BLK: variants seen among roughly 807,000 people sequenced by gnomAD.
BLK encodes the protein tyrosine-protein kinase Blk.
A neutral mutation model predicts 61.8 loss-of-function variants in BLK; 64 were observed. That is an observed-to-expected ratio of 1.03 (90% CI 0.85 to 1.27). The LOEUF (loss-of-function observed/expected upper bound fraction) is 1.27. Ranked by LOEUF, BLK falls within the 50% of genes most tolerant of loss-of-function variation. The probability of loss-of-function intolerance (pLI) is 0.00; values close to 1 mark genes in which losing one functional copy is unlikely to be tolerated. For missense variants in BLK, 853 were observed against 660.5 expected (o/e 1.29, Z -3.19); for synonymous variants, 351 against 272.0 (o/e 1.29, Z -2.86).
intron 1 of BLK, among the ~76,000 whole-genome samples, chr8:11,533,234 C>CATTTT (rs2117389047): frequency 6.6e-6 from 1 of 152,306 alleles, no homozygotes; most frequent in South Asian, 2.1e-4. Context: ...AGGCCTGAGA[C>CATTTT]CTTTTCTTTT....
intron 1 of BLK, among the ~76,000 whole-genome samples, chr8:11,518,610 C>T (rs1402055011): frequency 6.6e-6 from 1 of 152,144 alleles, no homozygotes; most frequent in Non-Finnish European, 1.5e-5. Context: ...GCGGTGGCCT[C>T]CCATCTAGTG....
Position 11,554,895 on chromosome 8 carries a change from A to T in BLK, c.619+6A>T. ...CCTGGTGCAGCACTATTCTAGTAAG[A>T]GGGGGCGTGCAATGGGGGCAGGGAC... On this transcript the variant is annotated splice_donor_region_variant and intron_variant, in intron 7 of 12. Transcript: ENST00000259089. The T allele has an allele frequency of 6.2e-7, 1 of 1,612,194 alleles. No individual in the cohort carries two copies.
intron 1 of BLK, among the ~76,000 whole-genome samples, chr8:11,532,832 A>G (rs1279807698): frequency 6.6e-6 from 1 of 152,252 alleles, no homozygotes; most frequent in African/African-American, 2.4e-5. Flanking sequence ...GCTGAATATT[A>G]TCGTGTTTCT....
intron 3 of BLK, among the ~76,000 whole-genome samples, chr8:11,547,472 C>T (rs1340575310): frequency 1.3e-5 from 2 of 152,320 alleles, no homozygotes; most frequent in South Asian, 2.1e-4. Context: ...TCCTGCCTTC[C>T]ATCCAGGGCC....
At chr8:11,555,555 G>C in intron 8 of BLK, 71 bp downstream of exon 8, 2 of 1,604,274 alleles carry the variant, frequency 1.2e-6, no homozygotes, top group Non-Finnish European at 1.7e-6. Flanking sequence ...TCCAGGTTCA[G>C]CATTTTCATA....
chr8:11,555,585 G>T, intron 8 of BLK, 101 bp downstream of exon 8: 1 of 1,548,832 alleles, frequency 6.5e-7, no homozygotes, highest in Non-Finnish European at 8.8e-7. Context: ...CCCTCCCCCA[G>T]AAGTCTTGAG....
chr8:11,561,892 C>T (rs887957814), intron 11 of BLK, among the ~76,000 whole-genome samples: 7 of 151,276 alleles, frequency 4.6e-5, no homozygotes, highest in Non-Finnish European at 8.8e-5. Context: ...AATCTTGGCT[C>T]ACTGCAACCT....
chr8:11,564,528 C>T lies in BLK; in HGVS notation c.*420C>T. 2.1e-6 allele frequency: 1 copy of T among 486,162 alleles called. No individual in the cohort carries two copies. The highest frequency in any genetic ancestry group is 4.0e-6 in the Non-Finnish European group (1 of 247,216). 30.1% of individuals were successfully genotyped at this position (486,162 alleles called of 1,614,324 possible). On this transcript the variant is annotated 3_prime_UTR_variant, in exon 13 of 13. Transcript: ENST00000259089. ...CCAGACTGGGTCCCGCGGACGCCAG[C>T]AGGGGCAGCCCCAGCCTAGGCTGCG...
At chr8:11,505,294 C>T (rs1185039143) in intron 1 of BLK, among the ~76,000 whole-genome samples, 2 of 152,188 alleles carry the variant, frequency 1.3e-5, no homozygotes, top group Non-Finnish European at 1.5e-5. Context: ...ATTCTTTCTA[C>T]TGTACAAAGT....
intron 3 of BLK, 65 bp downstream of exon 3, chr8:11,546,168 AG>A: frequency 6.3e-7 from 1 of 1,583,102 alleles, no homozygotes; most frequent in Non-Finnish European, 8.7e-7. Context: ...AGCTTTGTGG[AG>A]TTGGAAAAAG....
chr8:11,504,367 G>GAAAAGA (rs1554540058), intron 1 of BLK, among the ~76,000 whole-genome samples: 24 of 39,378 alleles, frequency 6.1e-4, no homozygotes, highest in African/African-American at 1.6e-3. Flanking sequence ...AAGGAAGGAA[G>GAAAAGA]AAAGAAAAGA....
intron 1 of BLK, among the ~76,000 whole-genome samples, chr8:11,524,957 A>G (rs908800234): frequency 6.6e-6 from 1 of 151,268 alleles, no homozygotes; most frequent in Non-Finnish European, 1.5e-5. Context: ...CATATCACGA[A>G]TGTTCAGAGT....
chr8:11,517,872 T>G (rs1356086721), intron 1 of BLK, among the ~76,000 whole-genome samples: 2 of 152,218 alleles, frequency 1.3e-5, no homozygotes, highest in Non-Finnish European at 2.9e-5. Context: ...CTTTCAGAGC[T>G]GAAATTGACT....
At chr8:11,557,363 C>T (rs1801284543) in intron 9 of BLK, among the ~76,000 whole-genome samples, 1 of 152,222 alleles carries the variant, frequency 6.6e-6, no homozygotes, top group Non-Finnish European at 1.5e-5. Flanking sequence ...AGGATCCTAA[C>T]ATGCCCATGT....
Position 11,503,109 on chromosome 8 carries a change from GACAC to G in BLK, c.-2+8521_-2+8524del, listed in dbSNP as rs141955218. Reference sequence around the variant, plus strand: ...TGAGCCAGGACCAGAGGGAGGTAAAGACACACCTGGGGTGCAAAACTGAAGGAGG... The same window carrying G: ...TGAGCCAGGACCAGAGGGAGGTAAAGACCTGGGGTGCAAAACTGAAGGAGG... On this transcript the variant is annotated intron_variant, in intron 1 of 12. Transcript: ENST00000259089. Among the ~76,000 whole-genome samples, 1,441 of 152,310 alleles carry G rather than the reference GACAC, an allele frequency of 9.5e-3. 26 individuals are homozygous for G. Among genetic ancestry groups the G allele is most frequent in the African/African-American group, 0.033 (1,375 of 41,560 alleles).
At chr8:11,533,779 A>T (rs1182338407) in intron 1 of BLK, among the ~76,000 whole-genome samples, 1 of 152,240 alleles carries the variant, frequency 6.6e-6, no homozygotes, top group Non-Finnish European at 1.5e-5. Context: ...TTATTATAAA[A>T]AGGGAAGTTA....
At position 11,546,085 on chromosome 8, in the gene BLK, G is replaced by A. The variant is rs377676972; in HGVS notation, c.157G>A (p.Asp53Asn). ...CAACCACCTTACTCCTCCACCGCCC[G>A]ATGAACACCTGGATGAAGGTAAGAA... is the stretch of plus-strand genomic sequence containing the variant. Reference protein sequence around the residue: ...VFNHLTPPPPDEHLDEDKHFV... With the variant: ...VFNHLTPPPPNEHLDEDKHFV... Residue 53 changes from aspartate to asparagine, a missense_variant, in exon 3 of 13, where the codon GAT (aspartate) becomes AAT (asparagine). Asp to Asn is a conservative substitution (Grantham distance 23). Coordinates refer to ENST00000259089, the MANE Select transcript of BLK (RefSeq NM_001715.3). 126 of 1,614,168 alleles carry A rather than the reference G, an allele frequency of 7.8e-5. No homozygotes were observed. The highest frequency in any genetic ancestry group is 4.3e-4 in the Admixed American group (26 of 60,018).
chr8:11,512,092 A>G lies in BLK; in HGVS notation c.-2+17501A>G, dbSNP rs552299764. Reference sequence around the variant, plus strand: ...CAAAGATAAACAACCAAACAAACAAAATGGCTTTTCCTTGAAGAGCTCAGG... The same window carrying G: ...CAAAGATAAACAACCAAACAAACAAGATGGCTTTTCCTTGAAGAGCTCAGG... On this transcript the variant is annotated intron_variant, in intron 1 of 12. Coordinates refer to ENST00000259089, the MANE Select transcript of BLK (RefSeq NM_001715.3). Among the ~76,000 whole-genome samples the G allele has an allele frequency of 1.4e-4, 21 of 152,330 alleles. No individual in the cohort carries two copies. The South Asian group carries it at 4.4e-3, about 32-fold the overall frequency.
intron 1 of BLK, among the ~76,000 whole-genome samples, chr8:11,529,052 A>G (rs1585362782): frequency 2.0e-5 from 3 of 152,300 alleles, no homozygotes; most frequent in Middle Eastern, 6.8e-3. Context: ...GCACACGTTT[A>G]CATATGTAAC....
Sources: allele counts gnomAD v4.1 joint callset (sites outside exome capture counted in the v4.1 genomes callset), GRCh38; gene constraint gnomAD v4.1.1; transcripts MANE v1.5; gene names NCBI Gene and HGNC (gene_info 2026-07-23, HGNC 2026-07-21).